The following ANKRD44 variants were observed in gnomAD, a reference collection of about 807,000 sequenced individuals.
The protein encoded by ANKRD44 is serine/threonine-protein phosphatase 6 regulatory ankyrin repeat subunit B.
A neutral mutation model predicts 116.0 loss-of-function variants in ANKRD44; 35 were observed. That is an observed-to-expected ratio of 0.30 (90% CI 0.23 to 0.40). The LOEUF is 0.40. ANKRD44 is among the 10% of genes least tolerant of loss of function. The pLI is 1.00. For synonymous variants in ANKRD44, 435 were observed against 461.8 expected, an observed-to-expected ratio of 0.94 and a Z score of 0.74; for missense variants, 1,014 against 1,242.6, an observed-to-expected ratio of 0.82 and a Z score of 2.77.
At chr2:197,255,732 G>A (rs1042644851) in intron 1 of ANKRD44, among the ~76,000 whole-genome samples, 7 of 152,220 alleles carry the variant, frequency 4.6e-5, no homozygotes, top group Non-Finnish European at 7.3e-5. Context: ...CTGCCCCATC[G>A]AAGGCAGCTA....
chr2:197,275,560 A>C (rs2083054206), intron 1 of ANKRD44, among the ~76,000 whole-genome samples: 1 of 152,018 alleles, frequency 6.6e-6, no homozygotes, highest in Admixed American at 6.5e-5. Context: ...TGTACAGAGC[A>C]CCATGTTGGG....
intron 1 of ANKRD44, among the ~76,000 whole-genome samples, chr2:197,258,262 G>A (rs1559193466): frequency 7.0e-6 from 1 of 142,398 alleles, no homozygotes; most frequent in Non-Finnish European, 1.5e-5. Flanking sequence ...CGCCACACTT[G>A]GCTAATCCTT....
intron 16 of ANKRD44, among the ~76,000 whole-genome samples, chr2:197,059,237 T>C (rs2077262787): frequency 6.6e-6 from 1 of 152,132 alleles, no homozygotes; most frequent in Non-Finnish European, 1.5e-5. Context: ...CAGATTTGAA[T>C]ACAAAAAAGT....
In ANKRD44 at chr2:196,996,212, G is replaced by T. The variant is rs564568806; in HGVS notation, c.2749-751C>A. 1.4e-4 allele frequency among the ~76,000 whole-genome samples: 21 copies of T among 152,312 alleles called. No homozygotes were observed. In the South Asian group the frequency reaches 4.3e-3, roughly 32 times the overall value. ...GCTCTGCCCCAGACCTAATATATCA[G>T]AATCTGTTTTTTTCACAGAACTCCC... On this transcript the variant is annotated intron_variant, in intron 25 of 27. Transcript: ENST00000282272.
At chr2:197,134,130 T>G (rs1274337373) in intron 4 of ANKRD44, 1 of 152,006 alleles carries the variant, frequency 6.6e-6, no homozygotes, top group Non-Finnish European at 1.5e-5. Context: ...ATTTTGTATT[T>G]TTAGCAGAGA....
intron 9 of ANKRD44, among the ~76,000 whole-genome samples, chr2:197,107,796 A>AG (rs747806696): frequency 2.0e-5 from 3 of 152,214 alleles, no homozygotes; most frequent in Non-Finnish European, 2.9e-5. Context: ...ACCAGGCCCT[A>AG]GGGGCATGAG....
chr2:196,988,726 G>C lies in ANKRD44; in HGVS notation c.*865C>G. 1.0e-6 allele frequency: 1 copy of C among 985,354 alleles called. No homozygotes were observed. The highest frequency in any genetic ancestry group is 1.2e-6 in the Non-Finnish European group (1 of 829,922). 61.0% of individuals were successfully genotyped at this position (985,354 alleles called of 1,614,324 possible). On this transcript the variant is annotated 3_prime_UTR_variant, in exon 28 of 28. Transcript: ENST00000282272. ...ACGTCAGAGAGTACTGCTCTAATTC[G>C]ACACATTTCTTTTCTGTCTCTTCCT...
At chr2:197,263,508 G>T in intron 1 of ANKRD44, 1 of 371,510 alleles carries the variant, frequency 2.7e-6, no homozygotes, top group South Asian at 3.7e-5. Flanking sequence ...GCCTGATGGT[G>T]GCCTTTCTCA....
At chr2:197,062,044 G>C (rs2125057066) in intron 16 of ANKRD44, among the ~76,000 whole-genome samples, 1 of 152,300 alleles carries the variant, frequency 6.6e-6, no homozygotes, top group South Asian at 2.1e-4. Context: ...GCCTCCCAAA[G>C]TGCTTGGATT....
intron 2 of ANKRD44, among the ~76,000 whole-genome samples, chr2:197,178,480 A>T (rs1247910306): frequency 6.6e-6 from 1 of 152,108 alleles, no homozygotes; most frequent in Non-Finnish European, 1.5e-5. Flanking sequence ...CTAAAAAAAA[A>T]AAATTTTAAC....
At chr2:197,239,010 C>A (rs958605840) in intron 1 of ANKRD44, among the ~76,000 whole-genome samples, 2 of 152,086 alleles carry the variant, frequency 1.3e-5, no homozygotes, top group African/African-American at 4.8e-5. Flanking sequence ...AGGCGTGAAC[C>A]ACCGTGGCTA....
chr2:196,985,884 T>C (rs1276947409), downstream of ANKRD44, among the ~76,000 whole-genome samples: 1 of 152,202 alleles, frequency 6.6e-6, no homozygotes, highest in Non-Finnish European at 1.5e-5. Context: ...GGAAATTCTA[T>C]GGATACCTTT....
intron 10 of ANKRD44, among the ~76,000 whole-genome samples, chr2:197,096,337 T>C (rs1053675425): frequency 6.6e-6 from 1 of 152,210 alleles, no homozygotes; most frequent in Non-Finnish European, 1.5e-5. Flanking sequence ...ATTCATAAAC[T>C]ATAATACCCC....
At chr2:197,139,395 A>G (rs2079301555) in intron 3 of ANKRD44, among the ~76,000 whole-genome samples, 1 of 152,188 alleles carries the variant, frequency 6.6e-6, no homozygotes, top group South Asian at 2.1e-4. Flanking sequence ...ATAACACCAA[A>G]TGAACAAATC....
intron 1 of ANKRD44, among the ~76,000 whole-genome samples, chr2:197,308,111 T>C (rs571986527): frequency 2.3e-4 from 34 of 150,756 alleles, no homozygotes; most frequent in Admixed American, 1.7e-3. Flanking sequence ...GCCAAGGCTG[T>C]AGTGAGCCAT....
At chr2:197,036,129 C>T (rs1390557039) in intron 16 of ANKRD44, among the ~76,000 whole-genome samples, 2 of 152,152 alleles carry the variant, frequency 1.3e-5, no homozygotes, top group African/African-American at 4.8e-5. Flanking sequence ...ACAACAATTA[C>T]CAGAAACTCG....
At chr2:197,218,622 G>A (rs2081505431) in intron 1 of ANKRD44, among the ~76,000 whole-genome samples, 1 of 152,054 alleles carries the variant, frequency 6.6e-6, no homozygotes, top group Non-Finnish European at 1.5e-5. Context: ...ATGGACTGAT[G>A]AAAACCTGTA....
chr2:197,078,765 T>G lies in ANKRD44; in HGVS notation c.1588A>C (p.Lys530Gln), dbSNP rs61752172. The change falls in exon 16 of 28, where the codon AAG becomes CAG. Residue 530 changes from lysine (K) to glutamine (Q), a missense_variant. By Grantham distance (53) the Lys-to-Gln change is moderately conservative (BLOSUM62 1). Coordinates refer to ENST00000282272, the MANE Select transcript of ANKRD44 (RefSeq NM_001195144.2). ...TAATGTATGCTATTGTAACCTTCCT[T>G]GTCCCGGATAGATGGATTTGCATCA... ...QNDANPSIRD[K>Q]EGYNSIHYAA... 4.4e-3 allele frequency: 7,167 copies of G among 1,613,334 alleles called. 37 individuals are homozygous for G. Among genetic ancestry groups the G allele is most frequent in the Middle Eastern group, 0.023 (141 of 6,058 alleles).
intron 1 of ANKRD44, among the ~76,000 whole-genome samples, chr2:197,208,778 C>T (rs1445164525): frequency 7.9e-5 from 12 of 151,132 alleles, no homozygotes; most frequent in East Asian, 1.9e-4. Context: ...GCAGGCTGGG[C>T]GACAGAGCGA....
Sources: gnomAD v4.1 joint callset for allele counts (sites outside exome capture counted in the v4.1 genomes callset) on GRCh38, gnomAD v4.1.1 for gene constraint, MANE v1.5 for transcripts, NCBI Gene and HGNC (gene_info 2026-07-23, HGNC 2026-07-21) for gene names.